Variants in PPFIA2 observed in about 807,000 individuals in gnomAD.
PPFIA2 encodes liprin-alpha-2.
A neutral mutation model predicts 175.5 loss-of-function variants in PPFIA2; 46 were observed. The ratio of observed to expected loss-of-function variants is 0.26; its 90% CI spans 0.21 to 0.34. The LOEUF is 0.34. Among genes scored for constraint, PPFIA2 ranks in the 10% least tolerant of loss-of-function variants. The pLI, the probability that PPFIA2 is intolerant of heterozygous loss-of-function variation, is 1.00. For synonymous variants in PPFIA2, 568 were observed against 511.4 expected, an observed-to-expected ratio of 1.11 and a Z score of -1.49; for missense variants, 1,179 against 1,506.1, an observed-to-expected ratio of 0.78 and a Z score of 3.60.
chr12:81,285,542 C>A (rs2043118540), intron 24 of PPFIA2, among the ~76,000 whole-genome samples: 1 of 151,986 alleles, frequency 6.6e-6, no homozygotes, highest in Admixed American at 6.6e-5. Context: ...TACATACCGA[C>A]ATTGTAGTCA....
chr12:81,323,112 T>A (rs1289517694), intron 22 of PPFIA2, among the ~76,000 whole-genome samples: 1 of 152,102 alleles, frequency 6.6e-6, no homozygotes, highest in Admixed American at 6.6e-5. Flanking sequence ...TATGGCTTTT[T>A]AAAAAATGTA....
At chr12:81,601,956 C>A (rs1459178401) in intron 4 of PPFIA2, among the ~76,000 whole-genome samples, 1 of 151,798 alleles carries the variant, frequency 6.6e-6, no homozygotes, top group Non-Finnish European at 1.5e-5. Flanking sequence ...AAATTTTATA[C>A]CATCCCTTTT....
intron 4 of PPFIA2, among the ~76,000 whole-genome samples, chr12:81,617,301 A>T (rs1189495903): frequency 1.3e-5 from 2 of 152,154 alleles, no homozygotes; most frequent in Non-Finnish European, 2.9e-5. Context: ...TTTATCCAAG[A>T]TCCAGCTCCA....
Position 81,319,476 on chromosome 12 carries a change from T to A in PPFIA2, c.2642+6301A>T, listed in dbSNP as rs144163343. 5.8e-3 allele frequency among the ~76,000 whole-genome samples: 886 copies of A among 151,966 alleles called. 5 individuals are homozygous for A. The highest frequency in any genetic ancestry group is 0.01 in the Non-Finnish European group (693 of 67,786). On this transcript the variant is annotated intron_variant, in intron 22 of 32. Coordinates refer to ENST00000549396, the MANE Select transcript of PPFIA2 (RefSeq NM_003625.5). The stretch of plus-strand genomic sequence containing the variant: ...GAAGACAGGCTTCTGGAGTTCCAAG[T>A]AGGAAACTGGGACATATTTTTCCAG...
chr12:81,561,437 A>G (rs1428693289), intron 4 of PPFIA2, among the ~76,000 whole-genome samples: 1 of 152,186 alleles, frequency 6.6e-6, no homozygotes, highest in African/African-American at 2.4e-5. Flanking sequence ...ATGTGAAGCA[A>G]ATAGAAATAC....
At chr12:81,596,694 A>C (rs1595439119) in intron 4 of PPFIA2, among the ~76,000 whole-genome samples, 1 of 152,240 alleles carries the variant, frequency 6.6e-6, no homozygotes, top group South Asian at 2.1e-4. Context: ...GCTGCAGGAT[A>C]TTGTAAGAGG....
intron 21 of PPFIA2, among the ~76,000 whole-genome samples, chr12:81,331,747 T>C (rs2056170585): frequency 6.6e-6 from 1 of 152,242 alleles, no homozygotes; most frequent in Admixed American, 6.5e-5. Context: ...TCATTATTTT[T>C]TTCATAGCTT....
At chr12:81,626,489 C>A (rs1035635931) in intron 4 of PPFIA2, among the ~76,000 whole-genome samples, 1 of 151,906 alleles carries the variant, frequency 6.6e-6, no homozygotes, top group Non-Finnish European at 1.5e-5. Context: ...AGGCATGTAA[C>A]CAAATAAACA....
At position 81,647,984 on chromosome 12, in the gene PPFIA2, G is replaced by A. The variant is rs148252430; in HGVS notation, c.303+28807C>T. On this transcript the variant is annotated intron_variant, in intron 4 of 32. Coordinates refer to ENST00000549396, the MANE Select transcript of PPFIA2 (RefSeq NM_003625.5). ...GCATTGAAAGCTAGAAGACAAGGGA[G>A]CAACACTTAACCAAAAGGAAAAAAA... is the stretch of plus-strand genomic sequence containing the variant. Among the ~76,000 whole-genome samples the A allele has an allele frequency of 2.5e-3, 374 of 146,798 alleles. 2 individuals carry two copies. The highest frequency in any genetic ancestry group is 8.5e-3 in the African/African-American group (341 of 40,146).
At position 81,431,458 on chromosome 12, in the gene PPFIA2, A is replaced by G. The variant is rs566101273; in HGVS notation, c.645+8514T>C. 8 of 152,344 alleles carry G rather than the reference A, an allele frequency of 5.3e-5. No homozygotes were observed. The South Asian group carries it at 1.2e-3, about 24-fold the overall frequency. The allele number at this position is 152,344 out of a possible 1,614,324, so 9.4% of individuals were successfully genotyped here. ...GGACAATGGCCTGGAACATGTAATC[A>G]ACATTAACAATCCAATCTGCCTAAG... is the stretch of plus-strand genomic sequence containing the variant. On this transcript the variant is annotated intron_variant, in intron 7 of 32. Transcript: ENST00000549396.
intron 6 of PPFIA2, among the ~76,000 whole-genome samples, chr12:81,443,461 A>G (rs1317470950): frequency 2.6e-5 from 4 of 151,524 alleles, no homozygotes; most frequent in East Asian, 3.9e-4. Flanking sequence ...GGAACAACTC[A>G]TATAGTTATG....
chr12:81,703,086 C>T (rs890629360), intron 3 of PPFIA2, among the ~76,000 whole-genome samples: 1 of 152,020 alleles, frequency 6.6e-6, no homozygotes, highest in Non-Finnish European at 1.5e-5. Flanking sequence ...GAGTTCAGTC[C>T]ACAGACCTCT....
chr12:81,375,762 A>G (rs2141717638), intron 10 of PPFIA2, 34 bp downstream of exon 10: 1 of 1,565,396 alleles, frequency 6.4e-7, no homozygotes, highest in Non-Finnish European at 8.8e-7. Flanking sequence ...GAGAACGCAC[A>G]GACCAGAAGA....
intron 4 of PPFIA2, among the ~76,000 whole-genome samples, chr12:81,507,228 G>T (rs557000012): frequency 1.3e-5 from 2 of 152,090 alleles, no homozygotes; most frequent in East Asian, 3.9e-4. Context: ...AGACAAATCC[G>T]CTTAGGTCTT....
chr12:81,659,248 G>A (rs1312005651), intron 4 of PPFIA2, among the ~76,000 whole-genome samples: 1 of 152,128 alleles, frequency 6.6e-6, no homozygotes, highest in African/African-American at 2.4e-5. Context: ...CCAAGTGTGA[G>A]CCGAAGCAGG....
In PPFIA2 at chr12:81,403,494, G is replaced by C. The variant is rs139496901; in HGVS notation, c.762+2293C>G. Among the ~76,000 whole-genome samples the C allele has an allele frequency of 2.6e-3, 397 of 152,336 alleles. 1 individual carries two copies. Among genetic ancestry groups the C allele is most frequent in the African/African-American group, 9.2e-3 (383 of 41,584 alleles). On this transcript the variant is annotated intron_variant, in intron 8 of 32. Transcript: ENST00000549396. Reference sequence around the variant, plus strand: ...TTAGGCAACCAATAGGTGATGGTCAGGTGGTTGTTAAACTCTCTCTGTAAA... The same window carrying C: ...TTAGGCAACCAATAGGTGATGGTCACGTGGTTGTTAAACTCTCTCTGTAAA...
chr12:81,638,682 C>CTTTTTTTTT (rs869311003), intron 4 of PPFIA2, among the ~76,000 whole-genome samples: 26 of 72,682 alleles, frequency 3.6e-4, no homozygotes, highest in African/African-American at 6.5e-4. Context: ...CATAAATTTT[C>CTTTTTTTTT]TTTTTTTTTT....
intron 9 of PPFIA2, among the ~76,000 whole-genome samples, chr12:81,383,400 G>T (rs2038197265): frequency 6.6e-6 from 1 of 152,006 alleles, no homozygotes; most frequent in Admixed American, 6.6e-5. Context: ...CAGGTAAAAT[G>T]ATTTGACAGT....
At chr12:81,401,862 C>T (rs1005683103) in intron 8 of PPFIA2, among the ~76,000 whole-genome samples, 13 of 152,092 alleles carry the variant, frequency 8.5e-5, no homozygotes, top group Non-Finnish European at 1.8e-4. Context: ...TTTGTATTAT[C>T]CTTGAATATT....
Sources: allele counts gnomAD v4.1 joint callset (sites outside exome capture counted in the v4.1 genomes callset), GRCh38; gene constraint gnomAD v4.1.1; transcripts MANE v1.5; gene names NCBI Gene and HGNC (gene_info 2026-07-23, HGNC 2026-07-21).